CPEB4: variants seen among roughly 807,000 people sequenced by gnomAD.
CPEB4 encodes cytoplasmic polyadenylation element-binding protein 4.
Under a neutral mutation model 72.5 loss-of-function variants are expected in CPEB4, and 12 were observed. That is an observed-to-expected ratio of 0.17 (90% CI 0.11 to 0.27). The LOEUF (loss-of-function observed/expected upper bound fraction) is 0.27. Among genes scored for constraint, CPEB4 ranks in the 10% least tolerant of loss-of-function variants. CPEB4 has a pLI of 1.00. For missense variants in CPEB4, 614 were observed against 908.5 expected, an observed-to-expected ratio of 0.68 and a Z score of 4.17; for synonymous variants, 302 against 326.3, an observed-to-expected ratio of 0.93 and a Z score of 0.80.
intron 9 of CPEB4, chr5:173,953,479 C>A (rs774550780): frequency 3.5e-5 from 15 of 426,744 alleles, no homozygotes; most frequent in Non-Finnish European, 5.4e-5. Flanking sequence ...CAGAACACTA[C>A]AATTTACTTG....
chr5:173,933,336 G>T (rs931387131), intron 3 of CPEB4, among the ~76,000 whole-genome samples: 15 of 152,062 alleles, frequency 9.9e-5, no homozygotes, highest in Non-Finnish European at 2.1e-4. Flanking sequence ...TCCACTCCTT[G>T]ATTTTAGTAT....
chr5:173,960,539 C>G lies in CPEB4; in HGVS notation c.*4402C>G, dbSNP rs189085055. On this transcript the variant is annotated 3_prime_UTR_variant, in exon 10 of 10. Transcript: ENST00000265085. The stretch of plus-strand genomic sequence containing the variant: ...GCCTGTACTGTTAGTTCACCTGCTG[C>G]CTGCCCTGCAGAGTTCTTTTTATTT... The G allele has an allele frequency of 3.9e-5, 6 of 152,348 alleles. No individual in the cohort carries two copies. The highest frequency in any genetic ancestry group is 3.9e-4 in the Admixed American group (6 of 15,296). 9.4% of individuals were successfully genotyped at this position (152,348 alleles called of 1,614,324 possible). A position where few individuals can be genotyped will look rare whatever the true frequency, so the allele number is the denominator to read the frequency against.
intron 1 of CPEB4, among the ~76,000 whole-genome samples, chr5:173,903,812 C>T (rs961911530): frequency 1.3e-5 from 2 of 152,176 alleles, no homozygotes; most frequent in African/African-American, 4.8e-5. Context: ...CCCATTTTGC[C>T]CTGGCAGGCA....
At chr5:173,902,466 A>G (rs1390140032) in intron 1 of CPEB4, among the ~76,000 whole-genome samples, 1 of 152,196 alleles carries the variant, frequency 6.6e-6, no homozygotes, top group Non-Finnish European at 1.5e-5. Flanking sequence ...TACTAGCTCA[A>G]GTATAAAAAG....
In CPEB4 at chr5:173,959,255, A is replaced by G. The variant is rs1758473260; in HGVS notation, c.*3118A>G. The G allele has an allele frequency of 6.5e-6, 1 of 152,806 alleles. No homozygotes were observed. 9.5% of individuals were successfully genotyped at this position (152,806 alleles called of 1,614,324 possible). A position where few individuals can be genotyped will look rare whatever the true frequency, so the allele number is the denominator to read the frequency against. On this transcript the variant is annotated 3_prime_UTR_variant, in exon 10 of 10. Coordinates refer to ENST00000265085, the MANE Select transcript of CPEB4 (RefSeq NM_030627.4). ...GAGTAATTACATGGTGATTTTTGCA[A>G]TGTAAAATAAAGTGTTTCTGATTAT...
rs1757532812 is a variant in CPEB4 at position 173,933,998 on chromosome 5, C to T, written c.1258+1498C>T. 2.6e-5 allele frequency among the ~76,000 whole-genome samples: 4 copies of T among 152,284 alleles called. No individual in the cohort carries two copies. In the South Asian group the frequency reaches 8.3e-4, roughly 32 times the overall value. ...AGGAATTCAACACCAGCCTCGGCAA[C>T]ATGGCCAAACCTTGTCTCTACAAAA... On this transcript the variant is annotated intron_variant, in intron 3 of 9. Coordinates refer to ENST00000265085, the MANE Select transcript of CPEB4 (RefSeq NM_030627.4).
chr5:173,918,524 A>G (rs965392969), intron 2 of CPEB4, among the ~76,000 whole-genome samples: 5 of 152,160 alleles, frequency 3.3e-5, no homozygotes, highest in Admixed American at 3.3e-4. Context: ...GGAAATGCCT[A>G]GGAAAGAAAA....
intron 1 of CPEB4, chr5:173,891,553 CGTTT>C (rs1479259936): frequency 2.6e-5 from 4 of 152,244 alleles, no homozygotes; most frequent in Non-Finnish European, 4.4e-5. Flanking sequence ...GCCTTTCACC[CGTTT>C]GTTTATTTTC....
At position 173,953,082 on chromosome 5, in the gene CPEB4, C is replaced by G. The variant is rs375924550; in HGVS notation, c.1781-9C>G. 22 of 1,582,890 alleles carry G rather than the reference C, an allele frequency of 1.4e-5. No homozygotes were observed. Among genetic ancestry groups the G allele is most frequent in the African/African-American group, 2.7e-5 (2 of 73,822 alleles). On this transcript the variant is annotated splice_polypyrimidine_tract_variant and intron_variant, in intron 8 of 9. Coordinates refer to ENST00000265085, the MANE Select transcript of CPEB4 (RefSeq NM_030627.4). The stretch of plus-strand genomic sequence containing the variant: ...TTTTAAATATCCTCCTTGTTCCTTT[C>G]TTAATTAGTGGAGCTTGCGATGATA...
intron 2 of CPEB4, among the ~76,000 whole-genome samples, chr5:173,926,474 G>A (rs924908243): frequency 1.1e-4 from 17 of 152,332 alleles, no homozygotes; most frequent in Non-Finnish European, 2.1e-4. Flanking sequence ...TTGCCTAGTT[G>A]ACGTATGGAT....
At chr5:173,941,771 G>T (rs749903825) in intron 3 of CPEB4, among the ~76,000 whole-genome samples, 1 of 152,150 alleles carries the variant, frequency 6.6e-6, no homozygotes, top group African/African-American at 2.4e-5. Context: ...CCAGGTACTG[G>T]GGAGGCTGAG....
intron 2 of CPEB4, among the ~76,000 whole-genome samples, chr5:173,917,884 C>CA (rs1334218766): frequency 1.3e-5 from 2 of 152,190 alleles, no homozygotes; most frequent in Non-Finnish European, 2.9e-5. Context: ...CTTTAAGACT[C>CA]AGAGTCGGCC....
At chr5:173,893,735 G>A (rs917276394) in intron 1 of CPEB4, among the ~76,000 whole-genome samples, 1 of 152,174 alleles carries the variant, frequency 6.6e-6, no homozygotes, top group Non-Finnish European at 1.5e-5. Flanking sequence ...TACCTGAAGT[G>A]TAACTGATAT....
intron 3 of CPEB4, 41 bp downstream of exon 3, chr5:173,932,541 T>G (rs779295470): frequency 6.9e-7 from 1 of 1,455,980 alleles, no homozygotes; most frequent in Non-Finnish European, 9.6e-7. Flanking sequence ...TGCACAAAAC[T>G]GATACAGTAG....
At chr5:173,894,216 A>G (rs1373499385) in intron 1 of CPEB4, among the ~76,000 whole-genome samples, 1 of 152,010 alleles carries the variant, frequency 6.6e-6, no homozygotes, top group Admixed American at 6.5e-5. Flanking sequence ...GCTGGTTTCA[A>G]ACTCCTGGGC....
chr5:173,927,922 A>T (rs1018748605), intron 2 of CPEB4, among the ~76,000 whole-genome samples: 70 of 152,362 alleles, frequency 4.6e-4, no homozygotes, highest in African/African-American at 1.6e-3. Flanking sequence ...GTGAATATAG[A>T]TTAGTAAACT....
chr5:173,937,183 C>T lies in CPEB4; in HGVS notation c.1258+4683C>T, dbSNP rs374781112. Among the ~76,000 whole-genome samples, 20 of 151,990 alleles carry T rather than the reference C, an allele frequency of 1.3e-4. 1 individual carries two copies. The highest frequency in any genetic ancestry group is 4.4e-4 in the African/African-American group (18 of 41,358). ...TCACCCTCCCAAGTAGCTGAGATTA[C>T]AGGCACCTGCCACCATGCCCAGCTA... On this transcript the variant is annotated intron_variant, in intron 3 of 9. Coordinates refer to ENST00000265085, the MANE Select transcript of CPEB4 (RefSeq NM_030627.4).
At position 173,957,227 on chromosome 5, in the gene CPEB4, T is replaced by C. The variant is rs1758406583; in HGVS notation, c.*1090T>C. On this transcript the variant is annotated 3_prime_UTR_variant, in exon 10 of 10. Coordinates refer to ENST00000265085, the MANE Select transcript of CPEB4 (RefSeq NM_030627.4). ...AGCCAAAACTGGAAGACAAAACCAA[T>C]ATATAATTTGGCTGCTGATTGGCTT... 6.5e-6 allele frequency: 1 copy of C among 152,754 alleles called. No individual in the cohort carries two copies. The highest frequency in any genetic ancestry group is 1.5e-5 in the Non-Finnish European group (1 of 68,028). The allele number at this position is 152,754 out of a possible 1,614,324, so 9.5% of individuals were successfully genotyped here. A position where few individuals can be genotyped will look rare whatever the true frequency, so the allele number is the denominator to read the frequency against.
Position 173,953,261 on chromosome 5 carries a change from A to ATAG in CPEB4, c.1952_1954dup (p.Ile651_Asp652insVal). 6.3e-7 allele frequency: 1 copy of ATAG among 1,595,680 alleles called. No individual in the cohort carries two copies. The highest frequency in any genetic ancestry group is 1.1e-5 in the South Asian group (1 of 89,216). ...CTTTGTTCAGCTGCAGCATGGAGAGATAGATAAACGGGTAAGCCTTATACT... is the reference window on the plus strand; with the variant it reads ...CTTTGTTCAGCTGCAGCATGGAGAGATAGTAGATAAACGGGTAAGCCTTATACT... On this transcript the variant is annotated inframe_insertion, in exon 9 of 10. Transcript: ENST00000265085.
Sources: allele counts gnomAD v4.1 joint callset (sites outside exome capture counted in the v4.1 genomes callset), GRCh38; gene constraint gnomAD v4.1.1; transcripts MANE v1.5; gene names NCBI Gene and HGNC (gene_info 2026-07-23, HGNC 2026-07-21).